The following PLCG2 variants were observed in gnomAD, a reference collection of about 807,000 sequenced individuals.
PLCG2 encodes the protein 1-phosphatidylinositol 4,5-bisphosphate phosphodiesterase gamma-2.
In PLCG2, 69 loss-of-function variants were observed where a neutral mutation model predicts 175.6. The observed-to-expected ratio is 0.39, with a 90% confidence interval of 0.32 to 0.48. The LOEUF (loss-of-function observed/expected upper bound fraction) is 0.48, where lower values mean the gene tolerates loss of function less well. Ranked by LOEUF, PLCG2 falls within the 20% of genes least tolerant of loss-of-function variation. PLCG2 has a pLI of 0.91. For synonymous variants in PLCG2, 827 were observed against 624.0 expected, an observed-to-expected ratio of 1.33 and a Z score of -4.85; for missense variants, 1,798 against 1,650.9, an observed-to-expected ratio of 1.09 and a Z score of -1.54.
In PLCG2 at chr16:81,937,885, G is replaced by C. The variant is rs546912147; in HGVS notation, c.3180G>C (p.Leu1060=). 1.2e-6 allele frequency: 2 copies of C among 1,614,114 alleles called. No homozygotes were observed. Among genetic ancestry groups the C allele is most frequent in the East Asian group, 4.5e-5 (2 of 44,886 alleles). ...PMPPESQRKI[L]MTLTVKVLGA... is the part of the protein sequence containing the mutation. Reference sequence around the variant, plus strand: ...CACCCGAGTCCCAGAGGAAGATCCTGATGACGCTGACAGTCAAGGTAAAGC... The same window carrying C: ...CACCCGAGTCCCAGAGGAAGATCCTCATGACGCTGACAGTCAAGGTAAAGC... The change falls in exon 28 of 33, where the codon CTG becomes CTC. Residue 1060 remains leucine (L), a synonymous_variant. Coordinates refer to ENST00000564138, the MANE Select transcript of PLCG2 (RefSeq NM_002661.5).
At position 81,962,391 on chromosome 16, in the gene PLCG2, C is replaced by G. The variant is rs1911810541; in HGVS notation, c.*4393C>G. On this transcript the variant is annotated 3_prime_UTR_variant, in exon 33 of 33. Transcript: ENST00000564138. ...TAGAAAATTGGCATTTAAAAATACT[C>G]AATAATTTGTCCCTGGTTTTTAATT... The G allele has an allele frequency of 4.7e-6, 1 of 211,512 alleles. No individual in the cohort carries two copies. Among genetic ancestry groups the G allele is most frequent in the Non-Finnish European group, 9.6e-6 (1 of 104,702 alleles). 13.1% of individuals were successfully genotyped at this position (211,512 alleles called of 1,614,324 possible). A position where few individuals can be genotyped will look rare whatever the true frequency, so the allele number is the denominator to read the frequency against.
intron 2 of PLCG2, among the ~76,000 whole-genome samples, chr16:81,805,774 T>TTG (rs1567473552): frequency 7.2e-5 from 7 of 97,650 alleles, no homozygotes; most frequent in Non-Finnish European, 1.4e-4. Context: ...TTTGTTTTTT[T>TTG]TTTTTTTTGT....
chr16:81,771,066 A>AT (rs199737974), intron 2 of PLCG2, among the ~76,000 whole-genome samples: 31,468 of 107,032 alleles, frequency 0.29, 4,320 homozygotes, highest in Non-Finnish European at 0.38. Flanking sequence ...TCAAAAAAAA[A>AT]AAAAAATAAA....
At chr16:81,837,136 C>CA (rs1159234506) in intron 2 of PLCG2, among the ~76,000 whole-genome samples, 3 of 151,914 alleles carry the variant, frequency 2.0e-5, no homozygotes, top group East Asian at 3.9e-4. Context: ...CAAACAAAAA[C>CA]AAAAAAAGAC....
intron 2 of PLCG2, among the ~76,000 whole-genome samples, chr16:81,798,033 G>T (rs1476558973): frequency 1.3e-5 from 2 of 152,086 alleles, no homozygotes; most frequent in Non-Finnish European, 2.9e-5. Flanking sequence ...GTTCCACCAT[G>T]TTGACCAGGC....
intron 10 of PLCG2, among the ~76,000 whole-genome samples, chr16:81,890,649 T>A (rs1378916955): frequency 6.6e-6 from 1 of 152,064 alleles, no homozygotes; most frequent in Non-Finnish European, 1.5e-5. Flanking sequence ...TGACCTTGCA[T>A]AGGGAAGGAG....
At chr16:81,773,728 GA>G (rs1910331765) in intron 2 of PLCG2, among the ~76,000 whole-genome samples, 1 of 152,078 alleles carries the variant, frequency 6.6e-6, no homozygotes, top group Non-Finnish European at 1.5e-5. Flanking sequence ...CCAGGACTTG[GA>G]TATGCGTTCG....
intron 11 of PLCG2, among the ~76,000 whole-genome samples, chr16:81,892,088 T>C (rs1908663798): frequency 6.6e-6 from 1 of 151,928 alleles, no homozygotes; most frequent in Non-Finnish European, 1.5e-5. Context: ...GGGGAGCAGG[T>C]GGTAAGGCAA....
Position 81,858,344 on chromosome 16 carries a change from C to T in PLCG2, c.419C>T (p.Thr140Ile). The T allele has an allele frequency of 6.2e-7, 1 of 1,613,066 alleles. No homozygotes were observed. The highest frequency in any genetic ancestry group is 8.5e-7 in the Non-Finnish European group (1 of 1,179,032). The change falls in exon 4 of 33, where the codon ACC (threonine) becomes ATC (isoleucine). Residue 140 changes from threonine to isoleucine, a missense_variant. Transcript: ENST00000564138. ...HQEAMNASTP[T>I]IIESWLRKQI... Reference sequence around the variant, plus strand: ...GAAGCGATGAATGCGTCCACGCCCACCATTATCGAGAGGTAGTTGGCTTTT... The same window carrying T: ...GAAGCGATGAATGCGTCCACGCCCATCATTATCGAGAGGTAGTTGGCTTTT...
At position 81,923,073 on chromosome 16, in the gene PLCG2, C is replaced by T. The variant is rs140941252; in HGVS notation, c.2308-412C>T. 7.2e-5 allele frequency among the ~76,000 whole-genome samples: 11 copies of T among 152,264 alleles called. No individual in the cohort carries two copies. In the East Asian group the frequency reaches 2.1e-3, roughly 29 times the overall value. On this transcript the variant is annotated intron_variant, in intron 21 of 32. Coordinates refer to ENST00000564138, the MANE Select transcript of PLCG2 (RefSeq NM_002661.5). ...AGCTTCTGGGAGGCTTGCTGAGCAC[C>T]GGCACTGTGATGACAGTCTTGGCTT...
At chr16:81,809,391 A>C (rs1037409322) in intron 2 of PLCG2, among the ~76,000 whole-genome samples, 1 of 152,256 alleles carries the variant, frequency 6.6e-6, no homozygotes, top group East Asian at 1.9e-4. Context: ...CTTGTTCTGC[A>C]CTGACTCCCA....
intron 13 of PLCG2, among the ~76,000 whole-genome samples, chr16:81,898,966 A>G (rs551127753): frequency 1.3e-5 from 2 of 152,184 alleles, no homozygotes; most frequent in East Asian, 1.9e-4. Flanking sequence ...GGGTGGATCA[A>G]CTGAATTCAG....
chr16:81,857,839 T>A (rs779327153), intron 3 of PLCG2: 3 of 169,526 alleles, frequency 1.8e-5, no homozygotes, highest in Non-Finnish European at 3.9e-5. Context: ...TGTCTTAGGT[T>A]CAGTGGTTTC....
intron 10 of PLCG2, among the ~76,000 whole-genome samples, chr16:81,891,158 G>T (rs1052724363): frequency 6.6e-5 from 10 of 152,248 alleles, no homozygotes; most frequent in African/African-American, 2.2e-4. Flanking sequence ...GCATGACTCA[G>T]TGTGAAAAAA....
chr16:81,767,281 G>T (rs565497105), intron 2 of PLCG2, among the ~76,000 whole-genome samples: 42 of 151,830 alleles, frequency 2.8e-4, no homozygotes, highest in African/African-American at 9.4e-4. Flanking sequence ...AATAGCTGGG[G>T]TTACGGGCGT....
chr16:81,894,097 G>A (rs959784596), intron 12 of PLCG2, among the ~76,000 whole-genome samples: 2 of 151,774 alleles, frequency 1.3e-5, no homozygotes, highest in Admixed American at 6.6e-5. Context: ...CAGGTACCGC[G>A]TATCACCTGG....
At chr16:81,774,778 G>T (rs1212522109), upstream of PLCG2, among the ~76,000 whole-genome samples, 1 of 149,796 alleles carries the variant, frequency 6.7e-6, no homozygotes, top group African/African-American at 2.5e-5. Context: ...TTACTCTGTT[G>T]CCCAGGCTGG....
intron 2 of PLCG2, among the ~76,000 whole-genome samples, chr16:81,853,756 C>T (rs1040931341): frequency 6.6e-6 from 1 of 152,046 alleles, no homozygotes. Context: ...GATTGAAGGG[C>T]AGCTGGCTAT....
chr16:81,794,319 T>C (rs1771630065), intron 2 of PLCG2, among the ~76,000 whole-genome samples: 1 of 152,214 alleles, frequency 6.6e-6, no homozygotes, highest in Admixed American at 6.5e-5. Context: ...TCAAAATGTT[T>C]TTGAAATAAA....
Sources: gnomAD v4.1 joint callset for allele counts (sites outside exome capture counted in the v4.1 genomes callset) on GRCh38, gnomAD v4.1.1 for gene constraint, MANE v1.5 for transcripts, NCBI Gene and HGNC (gene_info 2026-07-23, HGNC 2026-07-21) for gene names.